SREK1: variants seen among roughly 807,000 people sequenced by gnomAD.
The protein encoded by SREK1 is splicing regulatory glutamine/lysine-rich protein 1.
In SREK1, 13 loss-of-function variants were observed where a neutral mutation model predicts 66.5. The observed-to-expected ratio is 0.20, with a 90% CI of 0.13 to 0.31. The LOEUF (loss-of-function observed/expected upper bound fraction) is 0.31. Among genes scored for constraint, SREK1 ranks in the 10% least tolerant of loss-of-function variants. The pLI is 1.00. For missense variants in SREK1, 607 were observed against 769.6 expected, an observed-to-expected ratio of 0.79 and a Z score of 2.50; for synonymous variants, 265 against 263.5, an observed-to-expected ratio of 1.01 and a Z score of -0.05.
intron 1 of SREK1, 78 bp from the exon 2 acceptor site, chr5:66,153,385 A>G (rs748314102): frequency 8.4e-6 from 13 of 1,546,368 alleles, no homozygotes; most frequent in Non-Finnish European, 1.1e-5. Context: ...TGTAAAGGTT[A>G]AGAAAGAAAT....
At position 66,144,361 on chromosome 5, in the gene SREK1, C is replaced by T; in HGVS notation, c.-16C>T. 6.5e-7 allele frequency: 1 copy of T among 1,528,164 alleles called. No homozygotes were observed. The highest frequency in any genetic ancestry group is 8.8e-7 in the Non-Finnish European group (1 of 1,130,154). 94.7% of individuals were successfully genotyped at this position (1,528,164 alleles called of 1,614,324 possible). ...TAGACGTTGGGGAGCGGGAAGGCAA[C>T]GGCAGCGGGATCGGGATGAACAGCG... On this transcript the variant is annotated 5_prime_UTR_variant, in exon 1 of 12. In the 5' UTR this introduces an upstream ATG that the reference lacks. Transcript: ENST00000334121.
At chr5:66,172,419 CAG>C (rs1745716562) in intron 9 of SREK1, among the ~76,000 whole-genome samples, 1 of 152,070 alleles carries the variant, frequency 6.6e-6, no homozygotes, top group Non-Finnish European at 1.5e-5. Context: ...TTTTTTGAAA[CAG>C]AGTCTTGCTC....
rs749427064 is a variant in SREK1 at position 66,178,766 on chromosome 5, A to C, written c.1773A>C (p.Val591=). 1.2e-6 allele frequency: 2 copies of C among 1,612,692 alleles called. No homozygotes were observed. The highest frequency in any genetic ancestry group is 2.2e-5 in the South Asian group (2 of 90,988). The part of the protein sequence containing the change: ...KEPDSSVSKE[V]DDKDAPRTEE... ...CAGATTCAAGTGTGAGCAAAGAAGT[A>C]GATGACAAGGATGCACCAAGGACTG... is the stretch of plus-strand genomic sequence containing the variant. The change falls in exon 12 of 12, where the codon GTA becomes GTC. Residue 591 remains valine (V), a synonymous_variant. Transcript: ENST00000334121.
intron 3 of SREK1, among the ~76,000 whole-genome samples, chr5:66,161,898 T>C (rs1479151068): frequency 2.0e-5 from 3 of 152,166 alleles, no homozygotes; most frequent in Non-Finnish European, 4.4e-5. Context: ...GTGGCTAAAA[T>C]ATCCAGACAG....
intron 3 of SREK1, among the ~76,000 whole-genome samples, chr5:66,160,326 T>C (rs1466585615): frequency 6.6e-6 from 1 of 152,250 alleles, no homozygotes; most frequent in Non-Finnish European, 1.5e-5. Context: ...TATGTGATTG[T>C]AGTTAATTTA....
In SREK1 at chr5:66,165,264, C is replaced by T. The variant is rs372260203; in HGVS notation, c.1001+367C>T. On this transcript the variant is annotated intron_variant, in intron 7 of 11. Coordinates refer to ENST00000334121, the MANE Select transcript of SREK1 (RefSeq NM_001077199.3). ...TTAGTGACCATGCTGAAAATAATTG[C>T]TCAAGTTGCAGCTTTTTTGTTTTGT... 6.8e-5 allele frequency: 11 copies of T among 161,968 alleles called. 1 individual carries two copies. The South Asian group carries it at 1.8e-3, about 27-fold the overall frequency. The allele number at this position is 161,968 out of a possible 1,614,324, so 10.0% of individuals were successfully genotyped here.
chr5:66,175,902 T>C (rs1221383021), intron 10 of SREK1, among the ~76,000 whole-genome samples: 1 of 152,132 alleles, frequency 6.6e-6, no homozygotes, highest in Non-Finnish European at 1.5e-5. Flanking sequence ...TTTTAAAAAA[T>C]TGTTTGTGAG....
At chr5:66,160,154 A>T (rs1315100843) in intron 3 of SREK1, among the ~76,000 whole-genome samples, 1 of 152,096 alleles carries the variant, frequency 6.6e-6, no homozygotes, top group Non-Finnish European at 1.5e-5. Flanking sequence ...TATTACTATT[A>T]CTGGTTCTTG....
At chr5:66,144,673 T>A in intron 1 of SREK1, 136 bp downstream of exon 1, 2 of 1,380,398 alleles carry the variant, frequency 1.4e-6, no homozygotes, top group Non-Finnish European at 1.9e-6. Flanking sequence ...GTGCCCATAT[T>A]TGATTAGGGC....
At chr5:66,155,108 A>G (rs1298410834) in intron 2 of SREK1, among the ~76,000 whole-genome samples, 3 of 146,872 alleles carry the variant, frequency 2.0e-5, no homozygotes, top group Non-Finnish European at 4.6e-5. Context: ...AATCTTTCAT[A>G]TATCTGAGAA....
At chr5:66,145,239 G>A in intron 1 of SREK1, 6 of 881,548 alleles carry the variant, frequency 6.8e-6, no homozygotes, top group Non-Finnish European at 8.2e-6. Context: ...GATCTTGGCT[G>A]GCATTCACAG....
intron 1 of SREK1, 143 bp from the exon 2 acceptor site, chr5:66,153,320 T>C: frequency 1.4e-5 from 14 of 1,012,706 alleles, no homozygotes; most frequent in Non-Finnish European, 2.0e-5. Context: ...CACTGTTTTA[T>C]GTGTTAATGA....
At chr5:66,145,957 TAGATG>T (rs1743156520) in intron 1 of SREK1, among the ~76,000 whole-genome samples, 1 of 151,864 alleles carries the variant, frequency 6.6e-6, no homozygotes, top group Admixed American at 6.6e-5. Flanking sequence ...TGAGTTTATA[TAGATG>T]AGATATATAG....
Position 66,159,412 on chromosome 5 carries a change from T to C in SREK1, c.411+78T>C. ...AGTTGAATAGAGAGCTTCAGATTAT[T>C]TGCATTTGGATCTTCTTCTTTTTTT... On this transcript the variant is annotated intron_variant, in intron 3 of 11. Transcript: ENST00000334121. 3.4e-6 allele frequency: 4 copies of C among 1,184,896 alleles called. No homozygotes were observed. In the South Asian group the frequency reaches 6.9e-5, roughly 21 times the overall value. The allele number at this position is 1,184,896 out of a possible 1,614,324, so 73.4% of individuals were successfully genotyped here. A position where few individuals can be genotyped will look rare whatever the true frequency, so the allele number is the denominator to read the frequency against.
At chr5:66,152,144 G>A (rs1210982773) in intron 1 of SREK1, among the ~76,000 whole-genome samples, 4 of 152,142 alleles carry the variant, frequency 2.6e-5, no homozygotes, top group East Asian at 1.9e-4. Flanking sequence ...GAGCCACTGC[G>A]CCCGGCGGTA....
At chr5:66,162,781 A>C in intron 5 of SREK1, 189 bp downstream of exon 5, 1 of 520,818 alleles carries the variant, frequency 1.9e-6, no homozygotes, top group South Asian at 3.6e-5. Context: ...ATTTAGAGAC[A>C]TTTATTTTCT....
chr5:66,163,768 G>T, intron 5 of SREK1, 24 bp from the exon 6 acceptor site: 1 of 1,601,344 alleles, frequency 6.2e-7, no homozygotes, highest in South Asian at 1.1e-5. Flanking sequence ...GTGTATTTGT[G>T]ATATGCTAAT....
In SREK1 at chr5:66,163,802, T is replaced by C; in HGVS notation, c.766T>C (p.Ser256Pro). Residue 256 changes from serine (S) to proline (P), a missense_variant, in exon 6 of 12, where the codon TCC becomes CCC. This residue lies in a region of SREK1 where 112 missense variants were observed against 168.6 expected (regional missense o/e 0.66). Coordinates refer to ENST00000334121, the MANE Select transcript of SREK1 (RefSeq NM_001077199.3). ...ATATTTTTAATTTAGAATAAATCACTCCAACAATGCAATAGTAAAACCCCC... is the reference window on the plus strand; with the variant it reads ...ATATTTTTAATTTAGAATAAATCACCCCAACAATGCAATAGTAAAACCCCC... ...FGDRPLKINH[S>P]NNAIVKPPEM... The C allele has an allele frequency of 6.2e-7, 1 of 1,612,094 alleles. No homozygotes were observed. Among genetic ancestry groups the C allele is most frequent in the Non-Finnish European group, 8.5e-7 (1 of 1,179,086 alleles).
At chr5:66,164,002 C>T in intron 6 of SREK1, 80 bp downstream of exon 6, 1 of 1,484,744 alleles carries the variant, frequency 6.7e-7, no homozygotes, top group African/African-American at 1.4e-5. Context: ...TAGAAATCAT[C>T]TTGTTCAGTC....
Sources: allele counts gnomAD v4.1 joint callset (sites outside exome capture counted in the v4.1 genomes callset), GRCh38; gene constraint gnomAD v4.1.1; regional missense constraint gnomAD v4.1.1; transcripts MANE v1.5; gene names NCBI Gene and HGNC (gene_info 2026-07-23, HGNC 2026-07-21).